The following RERE variants were observed in gnomAD, a reference collection of about 807,000 sequenced individuals.
RERE encodes the protein arginine-glutamic acid dipeptide repeats protein.
In RERE, 40 loss-of-function variants were observed where a neutral mutation model predicts 146.1. The ratio of observed to expected loss-of-function variants is 0.27; its 90% confidence interval spans 0.21 to 0.36. RERE has a LOEUF of 0.36. Ranked by LOEUF, RERE falls within the 10% of genes least tolerant of loss-of-function variation. The probability of loss-of-function intolerance (pLI) is 1.00; values close to 1 mark genes in which losing one functional copy is unlikely to be tolerated. For synonymous variants in RERE, 1,003 were observed against 866.0 expected (o/e 1.16, Z -2.78); for missense variants, 1,933 against 2,138.7 (o/e 0.90, Z 1.90).
chr1:8,615,520 G>A (rs551425311), intron 3 of RERE, among the ~76,000 whole-genome samples: 26 of 152,096 alleles, frequency 1.7e-4, no homozygotes, highest in African/African-American at 6.3e-4. Flanking sequence ...ATTTTAGACA[G>A]CACATAACAT....
intron 6 of RERE, among the ~76,000 whole-genome samples, chr1:8,546,310 T>A (rs76199678): frequency 2.0e-5 from 3 of 150,006 alleles, no homozygotes; most frequent in African/African-American, 4.9e-5. Context: ...TAAAAATAAA[T>A]AAAAATATAT....
At chr1:8,485,875 T>A (rs1034409679) in intron 10 of RERE, among the ~76,000 whole-genome samples, 3 of 149,480 alleles carry the variant, frequency 2.0e-5, no homozygotes, top group Non-Finnish European at 3.0e-5. Flanking sequence ...CTTGGCTCAC[T>A]GCAATCTCCG....
intron 12 of RERE, among the ~76,000 whole-genome samples, chr1:8,404,771 G>A (rs1643391313): frequency 6.6e-6 from 1 of 152,200 alleles, no homozygotes; most frequent in African/African-American, 2.4e-5. Flanking sequence ...GGGCTAGGTG[G>A]CAGCAGACTG....
intron 2 of RERE, among the ~76,000 whole-genome samples, chr1:8,647,643 G>A (rs6701693): frequency 0.013 from 159 of 12,210 alleles, no homozygotes; most frequent in East Asian, 0.1. Flanking sequence ...AAATATGTAT[G>A]TGTGTGTGTG....
At chr1:8,486,769 A>AAAG (rs1553173147) in intron 10 of RERE, among the ~76,000 whole-genome samples, 7 of 147,216 alleles carry the variant, frequency 4.8e-5, no homozygotes, top group African/African-American at 1.6e-4. Context: ...AAAAAAAAAA[A>AAAG]AAAGAAAAGA....
intron 15 of RERE, 136 bp downstream of exon 15, chr1:8,363,920 C>T (rs749950751): frequency 8.8e-6 from 7 of 791,692 alleles, no homozygotes; most frequent in Non-Finnish European, 1.4e-5. Context: ...GCTACCGCCT[C>T]GGGCAAAGCA....
chr1:8,534,787 C>T (rs1645703447), intron 7 of RERE, among the ~76,000 whole-genome samples: 1 of 152,208 alleles, frequency 6.6e-6, no homozygotes, highest in Non-Finnish European at 1.5e-5. Context: ...CGTACAATGG[C>T]AAAACCTGGC....
chr1:8,584,907 G>T (rs1256829030), intron 4 of RERE, among the ~76,000 whole-genome samples: 1 of 152,156 alleles, frequency 6.6e-6, no homozygotes, highest in Admixed American at 6.5e-5. Context: ...CAGCACTTAA[G>T]GAGGCCAAGG....
chr1:8,749,405 G>A (rs1419024349), intron 1 of RERE, among the ~76,000 whole-genome samples: 27 of 150,820 alleles, frequency 1.8e-4, no homozygotes, highest in East Asian at 1.6e-3. Context: ...AAGTAAAAAT[G>A]AAAACAACAC....
At chr1:8,403,450 C>T (rs2708631) in intron 12 of RERE, among the ~76,000 whole-genome samples, 28,656 of 131,098 alleles carry the variant, frequency 0.22, 3,296 homozygotes, top group Middle Eastern at 0.45. Context: ...TTTTTTTTTC[C>T]TGCTTCTCGG....
intron 1 of RERE, among the ~76,000 whole-genome samples, chr1:8,795,479 G>A (rs961234190): frequency 6.6e-6 from 1 of 152,012 alleles, no homozygotes; most frequent in African/African-American, 2.4e-5. Flanking sequence ...ATATTTTCAA[G>A]GTATTTCCAT....
At chr1:8,774,304 T>G (rs895532496) in intron 1 of RERE, among the ~76,000 whole-genome samples, 1 of 151,960 alleles carries the variant, frequency 6.6e-6, no homozygotes, top group Non-Finnish European at 1.5e-5. Context: ...TTATACTCAC[T>G]GCTTGTAGGA....
rs1457159066 is a variant in RERE, at chr1:8,654,625, G to GTTT, written c.325+1345_325+1347dup. Among the ~76,000 whole-genome samples, 60 of 148,196 alleles carry GTTT rather than the reference G, an allele frequency of 4.0e-4. 1 individual carries two copies. Among genetic ancestry groups the GTTT allele is most frequent in the African/African-American group, 1.5e-3 (59 of 40,100 alleles). ...ACTGGCTTCTGTAAGAAAGGATCTT[G>GTTT]TTTTGTTTTTTTTTGTTTTTTTTTT... On this transcript the variant is annotated intron_variant, in intron 2 of 22. Coordinates refer to ENST00000400908, the MANE Select transcript of RERE (RefSeq NM_001042681.2).
chr1:8,532,731 G>T (rs1286883547), intron 7 of RERE, among the ~76,000 whole-genome samples: 2 of 151,928 alleles, frequency 1.3e-5, no homozygotes, highest in Non-Finnish European at 2.9e-5. Flanking sequence ...AGTAGCTGGG[G>T]TTACAGGTGC....
chr1:8,410,492 A>T (rs1643583470), intron 12 of RERE, among the ~76,000 whole-genome samples: 1 of 152,188 alleles, frequency 6.6e-6, no homozygotes, highest in African/African-American at 2.4e-5. Context: ...AGGTGAAGTG[A>T]TACAGATTTC....
intron 1 of RERE, among the ~76,000 whole-genome samples, chr1:8,784,767 C>T (rs1353350782): frequency 1.3e-5 from 2 of 152,150 alleles, no homozygotes; most frequent in African/African-American, 2.4e-5. Context: ...ACTATGACTT[C>T]GTATCTTACA....
At chr1:8,751,337 C>T (rs1640530407) in intron 1 of RERE, among the ~76,000 whole-genome samples, 1 of 152,168 alleles carries the variant, frequency 6.6e-6, no homozygotes, top group Non-Finnish European at 1.5e-5. Flanking sequence ...TCATTTGCTC[C>T]TTACTACACT....
At chr1:8,634,240 C>G (rs1647068861) in intron 2 of RERE, among the ~76,000 whole-genome samples, 1 of 152,228 alleles carries the variant, frequency 6.6e-6, no homozygotes. Flanking sequence ...CCAAATGCCA[C>G]CAACTTACAA....
intron 2 of RERE, among the ~76,000 whole-genome samples, chr1:8,650,186 C>A (rs1309637811): frequency 6.6e-6 from 1 of 152,114 alleles, no homozygotes; most frequent in Non-Finnish European, 1.5e-5. Context: ...TGAGATTAAA[C>A]CGTAGTGATA....
Sources: allele counts gnomAD v4.1 joint callset (sites outside exome capture counted in the v4.1 genomes callset), GRCh38; gene constraint gnomAD v4.1.1; transcripts MANE v1.5; gene names NCBI Gene and HGNC (gene_info 2026-07-23, HGNC 2026-07-21).